The following PDE5A variants were observed in gnomAD, a reference collection of about 807,000 sequenced individuals.
PDE5A encodes the protein phosphodiesterase 5A, also known as cGMP-specific 3',5'-cyclic phosphodiesterase.
In PDE5A, 67 loss-of-function variants were observed where a neutral mutation model predicts 110.2. The observed-to-expected ratio is 0.61, with a 90% CI of 0.50 to 0.75. The LOEUF is 0.75. Ranked by LOEUF, PDE5A falls within the 30% of genes least tolerant of loss-of-function variation. The pLI is 0.00. For missense variants in PDE5A, 862 were observed against 1,045.1 expected, an observed-to-expected ratio of 0.82 and a Z score of 2.42; for synonymous variants, 328 against 351.2, an observed-to-expected ratio of 0.93 and a Z score of 0.74.
chr4:119,537,220 C>A (rs1726756794), intron 11 of PDE5A, among the ~76,000 whole-genome samples: 1 of 152,152 alleles, frequency 6.6e-6, no homozygotes, highest in Non-Finnish European at 1.5e-5. Context: ...TAAAAAACTT[C>A]ACATGATTCG....
At chr4:119,547,348 C>T (rs12498599) in intron 9 of PDE5A, among the ~76,000 whole-genome samples, 39,836 of 151,336 alleles carry the variant, frequency 0.26, 5,377 homozygotes, top group East Asian at 0.38. Flanking sequence ...CCTCATTATC[C>T]GTTGGAGGTT....
At chr4:119,596,804 G>A (rs539793693) in intron 2 of PDE5A, among the ~76,000 whole-genome samples, 192 bp from the exon 3 acceptor site, 1 of 152,058 alleles carries the variant, frequency 6.6e-6, no homozygotes, top group Admixed American at 6.6e-5. Flanking sequence ...AAGTTGCTGA[G>A]CTTTTTTATA....
chr4:119,622,235 T>C (rs1730176269), intron 1 of PDE5A, among the ~76,000 whole-genome samples: 1 of 152,082 alleles, frequency 6.6e-6, no homozygotes, highest in African/African-American at 2.4e-5. Context: ...TAAATTTCAG[T>C]GATCCTGTGT....
intron 11 of PDE5A, among the ~76,000 whole-genome samples, chr4:119,527,858 G>A (rs1232969029): frequency 1.3e-5 from 2 of 151,500 alleles, no homozygotes; most frequent in Non-Finnish European, 2.9e-5. Flanking sequence ...TATTTTTATG[G>A]TTGGGTAATC....
intron 1 of PDE5A, among the ~76,000 whole-genome samples, chr4:119,625,103 C>T (rs1034959693): frequency 2.6e-5 from 4 of 151,740 alleles, no homozygotes; most frequent in Non-Finnish European, 5.9e-5. Context: ...CTCTGCCTCC[C>T]GGGTTCAAGC....
chr4:119,530,673 T>C (rs949627640), intron 11 of PDE5A, among the ~76,000 whole-genome samples: 1 of 152,138 alleles, frequency 6.6e-6, no homozygotes, highest in African/African-American at 2.4e-5. Context: ...CCTAATATAA[T>C]GCCTGCATAG....
intron 11 of PDE5A, among the ~76,000 whole-genome samples, chr4:119,526,442 C>G (rs1726322599): frequency 6.6e-6 from 1 of 152,140 alleles, no homozygotes; most frequent in South Asian, 2.1e-4. Context: ...AGATGTTTTG[C>G]TGGGCCCTGT....
At chr4:119,528,878 A>G (rs1439790873) in intron 11 of PDE5A, 2 of 152,122 alleles carry the variant, frequency 1.3e-5, no homozygotes, top group African/African-American at 4.8e-5. Flanking sequence ...GTACATGGAC[A>G]GGTGCACCTT....
chr4:119,580,382 C>G (rs1728548927), intron 3 of PDE5A, among the ~76,000 whole-genome samples: 1 of 152,160 alleles, frequency 6.6e-6, no homozygotes, highest in African/African-American at 2.4e-5. Flanking sequence ...GCAAAGTCTC[C>G]AAATAAGCCC....
chr4:119,564,219 T>C (rs1727844882), intron 5 of PDE5A, among the ~76,000 whole-genome samples: 2 of 152,036 alleles, frequency 1.3e-5, no homozygotes, highest in Admixed American at 6.6e-5. Context: ...AAGGACAACA[T>C]GGATGCTAGT....
At chr4:119,528,225 C>T (rs1726397987) in intron 11 of PDE5A, among the ~76,000 whole-genome samples, 2 of 151,888 alleles carry the variant, frequency 1.3e-5, no homozygotes, top group South Asian at 4.2e-4. Context: ...TTTTTATGAT[C>T]CTTTTCTAAT....
At chr4:119,556,423 G>A (rs1279745023) in intron 7 of PDE5A, among the ~76,000 whole-genome samples, 1 of 152,208 alleles carries the variant, frequency 6.6e-6, no homozygotes, top group Non-Finnish European at 1.5e-5. Flanking sequence ...ATATCCTAGG[G>A]ATGTAAGGTA....
chr4:119,618,590 A>G (rs897907853), intron 1 of PDE5A, among the ~76,000 whole-genome samples: 12 of 152,162 alleles, frequency 7.9e-5, no homozygotes, highest in Non-Finnish European at 1.8e-4. Context: ...ATGCAAGAAT[A>G]TAATTTGTTT....
intron 1 of PDE5A, among the ~76,000 whole-genome samples, chr4:119,623,487 T>C (rs1210290996): frequency 6.6e-6 from 1 of 152,222 alleles, no homozygotes; most frequent in African/African-American, 2.4e-5. Flanking sequence ...GTTTAACTTC[T>C]AAGTTAATTT....
At chr4:119,517,336 T>C (rs1365537246) in intron 14 of PDE5A, among the ~76,000 whole-genome samples, 2 of 152,148 alleles carry the variant, frequency 1.3e-5, no homozygotes, top group Non-Finnish European at 2.9e-5. Flanking sequence ...TTTATGGTAC[T>C]CATAGTTTCC....
intron 11 of PDE5A, among the ~76,000 whole-genome samples, chr4:119,531,543 T>C (rs1726542693): frequency 6.6e-6 from 1 of 151,994 alleles, no homozygotes; most frequent in African/African-American, 2.4e-5. Flanking sequence ...TCCCAAAGTG[T>C]TGAGATTACA....
At position 119,627,397 on chromosome 4, in the gene PDE5A, C is replaced by A; in HGVS notation, c.152+1123G>T. On this transcript the variant is annotated intron_variant, in intron 1 of 20. Transcript: ENST00000354960. The surrounding 1 kb of genome is among the most constrained non-coding windows in gnomAD (Gnocchi z 4.6). ...CGGCAGAGCCGCGGCCGCGCGCCGG[C>A]GAGTGGGACCCGGGCGTCGAACCCG... 2.8e-6 allele frequency: 2 copies of A among 713,118 alleles called. No homozygotes were observed. Among genetic ancestry groups the A allele is most frequent in the Non-Finnish European group, 3.4e-6 (2 of 580,158 alleles). 44.2% of individuals were successfully genotyped at this position (713,118 alleles called of 1,614,324 possible). A position where few individuals can be genotyped will look rare whatever the true frequency, so the allele number is the denominator to read the frequency against.
At chr4:119,563,902 A>T (rs1231822276) in intron 5 of PDE5A, among the ~76,000 whole-genome samples, 4 of 152,162 alleles carry the variant, frequency 2.6e-5, no homozygotes, top group Non-Finnish European at 5.9e-5. Context: ...CACAGATTCT[A>T]AACAGAGAAA....
intron 2 of PDE5A, among the ~76,000 whole-genome samples, chr4:119,597,199 G>A (rs1729182502): frequency 6.6e-6 from 1 of 151,908 alleles, no homozygotes; most frequent in African/African-American, 2.4e-5. Context: ...GGACTTCTGA[G>A]GTGTTAAATT....
Sources: gnomAD v4.1 joint callset for allele counts (sites outside exome capture counted in the v4.1 genomes callset) on GRCh38, gnomAD v4.1.1 for gene constraint, Gnocchi (gnomAD v3.1) non-coding constraint, MANE v1.5 for transcripts, NCBI Gene and HGNC (gene_info 2026-07-23, HGNC 2026-07-21) for gene names.